Variants in FAM184B observed in about 807,000 individuals in gnomAD.
FAM184B encodes the protein family with sequence similarity 184 member B.
FAM184B carries 111 observed loss-of-function variants against 135.9 expected under a neutral mutation model. The ratio of observed to expected loss-of-function variants is 0.82; its 90% CI spans 0.70 to 0.96. FAM184B has a LOEUF of 0.96. Among genes scored for constraint, FAM184B ranks in the 40% least tolerant of loss-of-function variants. FAM184B has a pLI of 0.00. For synonymous variants in FAM184B, 552 were observed against 524.8 expected (o/e 1.05, Z -0.71); for missense variants, 1,375 against 1,323.9 (o/e 1.04, Z -0.60).
In FAM184B at chr4:17,631,713, T is replaced by C. The variant is rs1714949961; in HGVS notation, c.*819A>G. The C allele has an allele frequency of 6.6e-6, 1 of 152,230 alleles. No individual in the cohort carries two copies. The highest frequency in any genetic ancestry group is 1.5e-5 in the Non-Finnish European group (1 of 68,036). 9.4% of individuals were successfully genotyped at this position (152,230 alleles called of 1,614,324 possible). A position where few individuals can be genotyped will look rare whatever the true frequency, so the allele number is the denominator to read the frequency against. ...GTCTTAGACCAAGGAAGTGAAAGTA[T>C]TCAGTCCAAGCATGCTACCATCCAT... On this transcript the variant is annotated 3_prime_UTR_variant, in exon 18 of 18. Coordinates refer to ENST00000265018, the MANE Select transcript of FAM184B (RefSeq NM_015688.2).
intron 1 of FAM184B, among the ~76,000 whole-genome samples, chr4:17,769,248 A>G (rs548788300): frequency 6.6e-6 from 1 of 152,234 alleles, no homozygotes; most frequent in Non-Finnish European, 1.5e-5. Flanking sequence ...GTTACATATA[A>G]TATAACTATT....
chr4:17,702,844 T>C lies in FAM184B; in HGVS notation c.1377+2156A>G, dbSNP rs192871056. 2.9e-3 allele frequency among the ~76,000 whole-genome samples: 440 copies of C among 152,306 alleles called. 1 individual carries two copies. Among genetic ancestry groups the C allele is most frequent in the Non-Finnish European group, 4.1e-3 (276 of 68,020 alleles). ...AGCATGCTGCGGTCCCTCCTGCTGC[T>C]TGTGGCCGGGGATGGAAAGAGTGTC... On this transcript the variant is annotated intron_variant, in intron 5 of 17. Coordinates refer to ENST00000265018, the MANE Select transcript of FAM184B (RefSeq NM_015688.2).
chr4:17,686,327 C>T (rs1002269285), intron 7 of FAM184B, among the ~76,000 whole-genome samples: 2 of 152,216 alleles, frequency 1.3e-5, no homozygotes, highest in Non-Finnish European at 2.9e-5. Flanking sequence ...GATGAGGGTG[C>T]CTCTGCTCCT....
intron 1 of FAM184B, among the ~76,000 whole-genome samples, chr4:17,773,507 AG>A (rs1718863748): frequency 1.3e-5 from 2 of 152,196 alleles, no homozygotes; most frequent in Non-Finnish European, 2.9e-5. Context: ...GATGAGAGGT[AG>A]TGCCCTGGTA....
intron 2 of FAM184B, 66 bp from the exon 3 acceptor site, chr4:17,707,850 A>G (rs1577269521): frequency 2.0e-6 from 3 of 1,529,522 alleles, no homozygotes; most frequent in Non-Finnish European, 2.6e-6. Context: ...CTGTGTACAC[A>G]GAATAGCCAT....
At chr4:17,708,303 C>T (rs964159203) in intron 2 of FAM184B, among the ~76,000 whole-genome samples, 1 of 152,040 alleles carries the variant, frequency 6.6e-6, no homozygotes, top group Non-Finnish European at 1.5e-5. Flanking sequence ...TAACTCACCA[C>T]GTGTCCCTTG....
rs1335099903 is a variant in FAM184B at position 17,652,929 on chromosome 4, G to A, written c.2092C>T (p.Gln698Ter). 3.2e-6 allele frequency: 5 copies of A among 1,551,616 alleles called. No individual in the cohort carries two copies. The Admixed American group carries it at 9.8e-5, about 30-fold the overall frequency. Residue 698 changes from glutamine (Q) to a stop codon, truncating the protein, a stop_gained, in exon 11 of 18, where the codon CAG (glutamine) becomes TAG (stop). Transcript: ENST00000265018. LOFTEE classifies it high-confidence loss of function. ...GCCTGGAGCTCCAGTCGGTGTGTCT[G>A]GTGTTGGATCTGGAGGCTGTGGCTG... ...ESSHSLQIQH[Q>*]THRLELQALE... is the part of the protein sequence containing the mutation.
intron 1 of FAM184B, among the ~76,000 whole-genome samples, chr4:17,767,461 C>A (rs1433980827): frequency 6.6e-6 from 1 of 152,150 alleles, no homozygotes; most frequent in East Asian, 1.9e-4. Flanking sequence ...AGGAAGAAAA[C>A]CTGGTATCAA....
At position 17,642,059 on chromosome 4, in the gene FAM184B, C is replaced by T; in HGVS notation, c.2516G>A (p.Arg839His). ...CGGGGCGCGCCGGGTCACCCACCTG[C>T]GCTGGTCTCGGAGCTTCTGCGCCTC... The part of the protein sequence containing the change: ...QQEAQKLRDQ[R>H]RFLEETQQAQ... Residue 839 changes from arginine (R) to histidine (H), a missense_variant, in exon 13 of 18, where the codon CGC (arginine) becomes CAC (histidine). Arg to His is a conservative substitution (Grantham distance 29). Transcript: ENST00000265018. 1.3e-6 allele frequency: 2 copies of T among 1,529,538 alleles called. No individual in the cohort carries two copies. Among genetic ancestry groups the T allele is most frequent in the South Asian group, 2.4e-5 (2 of 83,708 alleles). 94.7% of individuals were successfully genotyped at this position (1,529,538 alleles called of 1,614,324 possible).
intron 1 of FAM184B, among the ~76,000 whole-genome samples, chr4:17,737,136 C>G (rs368521240): frequency 2.7e-5 from 4 of 150,020 alleles, no homozygotes; most frequent in African/African-American, 9.8e-5. Flanking sequence ...AAGAGTGAGA[C>G]TTCGTCTCAA....
chr4:17,779,723 C>A (rs1245091763), intron 1 of FAM184B, among the ~76,000 whole-genome samples: 1 of 152,214 alleles, frequency 6.6e-6, no homozygotes, highest in Non-Finnish European at 1.5e-5. Context: ...CTGTTCCTCC[C>A]ATACTGATTT....
chr4:17,767,136 C>T (rs898015692), intron 1 of FAM184B, among the ~76,000 whole-genome samples: 3 of 152,292 alleles, frequency 2.0e-5, no homozygotes, highest in South Asian at 4.1e-4. Flanking sequence ...ACCCGGAACT[C>T]GCGCTGGCCC....
chr4:17,737,306 G>A (rs1452451242), intron 1 of FAM184B, among the ~76,000 whole-genome samples: 3 of 151,816 alleles, frequency 2.0e-5, no homozygotes, highest in Non-Finnish European at 4.4e-5. Flanking sequence ...TCTGGTCAAT[G>A]TCCTTCATCT....
chr4:17,642,142 GTTC>G lies in FAM184B; in HGVS notation c.2430_2432del (p.Glu810_Asn811delinsAsp). ...GCCGCACCGCGTCCTGGAGCTGCGC[GTTC>G]TCCTCCCAGAGCCCGCATCCCTCGC... On this transcript the variant is annotated inframe_deletion, in exon 13 of 18. Coordinates refer to ENST00000265018, the MANE Select transcript of FAM184B (RefSeq NM_015688.2). 6.5e-7 allele frequency: 1 copy of G among 1,533,694 alleles called. No homozygotes were observed. Among genetic ancestry groups the G allele is most frequent in the East Asian group, 2.5e-5 (1 of 40,704 alleles).
intron 11 of FAM184B, among the ~76,000 whole-genome samples, chr4:17,650,008 A>G (rs1368233736): frequency 6.6e-6 from 1 of 150,580 alleles, no homozygotes; most frequent in Non-Finnish European, 1.5e-5. Context: ...TCATCCACCC[A>G]TCCATCTGTG....
intron 7 of FAM184B, among the ~76,000 whole-genome samples, chr4:17,684,692 C>G (rs1029319804): frequency 6.6e-6 from 1 of 152,128 alleles, no homozygotes; most frequent in Non-Finnish European, 1.5e-5. Context: ...TGATATTTGT[C>G]GAGGTTCTTG....
At chr4:17,745,914 T>C (rs1718148742) in intron 1 of FAM184B, among the ~76,000 whole-genome samples, 1 of 152,166 alleles carries the variant, frequency 6.6e-6, no homozygotes, top group African/African-American at 2.4e-5. Context: ...CCACAACTAT[T>C]TGGGCCTATG....
At position 17,685,699 on chromosome 4, in the gene FAM184B, C is replaced by A. The variant is rs1317673677; in HGVS notation, c.1596+2725G>T. ...GTTCTCAACTGGGGATAATTTTGTC[C>A]CCTGGAGACATTTTTGGTTGGAAAG... On this transcript the variant is annotated intron_variant, in intron 7 of 17. Transcript: ENST00000265018. Among the ~76,000 whole-genome samples, 18 of 151,930 alleles carry A rather than the reference C, an allele frequency of 1.2e-4. 1 individual carries two copies. Among genetic ancestry groups the A allele is most frequent in the Admixed American group, 1.2e-3 (18 of 15,240 alleles).
chr4:17,751,574 G>A (rs1043154811), intron 1 of FAM184B, among the ~76,000 whole-genome samples: 1 of 152,008 alleles, frequency 6.6e-6, no homozygotes, highest in Non-Finnish European at 1.5e-5. Flanking sequence ...TGTTGTTACT[G>A]TTGTGTCTTC....
Sources: allele counts gnomAD v4.1 joint callset (sites outside exome capture counted in the v4.1 genomes callset), GRCh38; gene constraint gnomAD v4.1.1; transcripts MANE v1.5; gene names NCBI Gene and HGNC (gene_info 2026-07-23, HGNC 2026-07-21).